RHOU: variants seen among roughly 807,000 people sequenced by gnomAD.
The protein encoded by RHOU is rho-related GTP-binding protein RhoU.
A neutral mutation model predicts 12.6 loss-of-function variants in RHOU; 8 were observed. The ratio of observed to expected loss-of-function variants is 0.64; its 90% CI spans 0.37 to 1.15. The LOEUF is 1.15. Ranked by LOEUF, RHOU falls within the 50% of genes most tolerant of loss-of-function variation. RHOU has a pLI of 0.01. For missense variants in RHOU, 258 were observed against 347.0 expected, an observed-to-expected ratio of 0.74 and a Z score of 2.04; for synonymous variants, 161 against 147.4, an observed-to-expected ratio of 1.09 and a Z score of -0.67.
the RHOU span, among the ~76,000 whole-genome samples, chr1:228,690,140 C>G: frequency 6.6e-6 from 1 of 151,818 alleles, no homozygotes; most frequent in Non-Finnish European, 1.5e-5. Flanking sequence ...TTTCTTTGAT[C>G]AGACTGATTT....
chr1:228,665,922 A>G, the RHOU span, among the ~76,000 whole-genome samples: 3 of 152,108 alleles, frequency 2.0e-5, no homozygotes, highest in South Asian at 2.1e-4. Context: ...GTCATAATTA[A>G]CACAAGATGG....
At position 228,744,651 on chromosome 1, in the gene RHOU, T is replaced by C. The variant is rs1323626132; in HGVS notation, c.*911T>C. 2 of 152,118 alleles carry C rather than the reference T, an allele frequency of 1.3e-5. No individual in the cohort carries two copies. The highest frequency in any genetic ancestry group is 2.9e-5 in the Non-Finnish European group (2 of 68,030). 9.4% of individuals were successfully genotyped at this position (152,118 alleles called of 1,614,324 possible). On this transcript the variant is annotated 3_prime_UTR_variant, in exon 3 of 3. Coordinates refer to ENST00000366691, the MANE Select transcript of RHOU (RefSeq NM_021205.6). ...TCAAGCTGTCTCTTCGGCAGGGAGG[T>C]GAATACTCTTGAAAGGCCAACAGCA...
the RHOU span, among the ~76,000 whole-genome samples, chr1:228,694,743 T>C: frequency 6.6e-6 from 1 of 152,172 alleles, no homozygotes; most frequent in African/African-American, 2.4e-5. Context: ...TTAGGTTGAG[T>C]CCATGTCTTT....
At chr1:228,708,606 A>G in the RHOU span, among the ~76,000 whole-genome samples, 23 of 151,980 alleles carry the variant, frequency 1.5e-4, no homozygotes, top group South Asian at 1.2e-3. Context: ...ACAAGCAAAT[A>G]CTGAGAGATT....
At chr1:228,672,566 A>C in the RHOU span, among the ~76,000 whole-genome samples, 1 of 152,202 alleles carries the variant, frequency 6.6e-6, no homozygotes. Flanking sequence ...CTTTCCAGTT[A>C]AGTCAAAAAC....
chr1:228,738,697 A>G lies in RHOU; in HGVS notation c.321+966A>G, dbSNP rs1386328463. Among the ~76,000 whole-genome samples, 1 of 152,116 alleles carries G rather than the reference A, an allele frequency of 6.6e-6. No homozygotes were observed. The highest frequency in any genetic ancestry group is 1.5e-5 in the Non-Finnish European group (1 of 68,036). ...ACAGCAGATTCAGAGCTAAGGACAG[A>G]TCTTATTTTTTAAACCTGAAGATGA... On this transcript the variant is annotated intron_variant, in intron 2 of 2. Coordinates refer to ENST00000366691, the MANE Select transcript of RHOU (RefSeq NM_021205.6). This position sits in a 1 kb window ranked among gnomAD's most constrained non-coding sequence, Gnocchi z 4.2.
chr1:228,674,734 T>C, the RHOU span, among the ~76,000 whole-genome samples: 1 of 149,216 alleles, frequency 6.7e-6, no homozygotes, highest in Admixed American at 6.6e-5. Flanking sequence ...TTTTTTTAAA[T>C]TTTTTTTTAT....
chr1:228,723,267 G>A, the RHOU span, among the ~76,000 whole-genome samples: 3 of 152,222 alleles, frequency 2.0e-5, no homozygotes, highest in Non-Finnish European at 4.4e-5. Context: ...ACAGAAGGAA[G>A]AAGTACAGAG....
chr1:228,691,398 A>C, the RHOU span, among the ~76,000 whole-genome samples: 1 of 150,518 alleles, frequency 6.6e-6, no homozygotes, highest in African/African-American at 2.5e-5. Flanking sequence ...TCTGTGCTCC[A>C]CTCACTCATC....
At chr1:228,724,317 T>TC in the RHOU span, among the ~76,000 whole-genome samples, 11 of 151,854 alleles carry the variant, frequency 7.2e-5, no homozygotes, top group East Asian at 5.8e-4. Flanking sequence ...TTTCTTGTGT[T>TC]CCCCCCCAGA....
the RHOU span, among the ~76,000 whole-genome samples, chr1:228,674,236 T>C: frequency 6.6e-6 from 1 of 152,350 alleles, no homozygotes; most frequent in East Asian, 1.9e-4. Flanking sequence ...CTTTGTCAAA[T>C]ATATACTGCA....
the RHOU span, among the ~76,000 whole-genome samples, chr1:228,672,976 C>T: frequency 6.6e-6 from 1 of 152,294 alleles, no homozygotes; most frequent in East Asian, 1.9e-4. Context: ...TTCTTTACTT[C>T]TTGTCTAGTG....
the RHOU span, among the ~76,000 whole-genome samples, chr1:228,654,666 G>A: frequency 2.0e-5 from 3 of 152,126 alleles, no homozygotes; most frequent in South Asian, 2.1e-4. Context: ...GAAATTTCAC[G>A]ATTGTAGCTA....
the RHOU span, among the ~76,000 whole-genome samples, chr1:228,723,646 G>GCTTTACGAGTGGGGC: frequency 6.6e-6 from 1 of 152,220 alleles, no homozygotes; most frequent in African/African-American, 2.4e-5. Flanking sequence ...AAGAGCCGGG[G>GCTTTACGAGTGGGGC]CTTTACGAGT....
At chr1:228,677,283 G>A in the RHOU span, among the ~76,000 whole-genome samples, 1 of 152,118 alleles carries the variant, frequency 6.6e-6, no homozygotes, top group Non-Finnish European at 1.5e-5. Context: ...AAAGACACAA[G>A]GTCCAAATAA....
rs888275763 is a variant in RHOU at position 228,739,742 on chromosome 1, A to G, written c.321+2011A>G. 2.6e-5 allele frequency among the ~76,000 whole-genome samples: 4 copies of G among 152,294 alleles called. No homozygotes were observed. In the East Asian group the frequency reaches 7.7e-4, roughly 29 times the overall value. ...GTGCACCTACCTGCCCCAGGATGTC[A>G]CTCAAATATCACTGTCCACTGGGCT... On this transcript the variant is annotated intron_variant, in intron 2 of 2. Coordinates refer to ENST00000366691, the MANE Select transcript of RHOU (RefSeq NM_021205.6).
chr1:228,717,803 C>T, the RHOU span, among the ~76,000 whole-genome samples: 1 of 152,326 alleles, frequency 6.6e-6, no homozygotes, highest in South Asian at 2.1e-4. Flanking sequence ...TTTCTGGACA[C>T]AGGAACTGTT....
the RHOU span, among the ~76,000 whole-genome samples, chr1:228,647,327 A>G: frequency 2.6e-5 from 4 of 151,914 alleles, no homozygotes; most frequent in Admixed American, 2.0e-4. Flanking sequence ...GGGCCCCGAG[A>G]TTTGCAGAGT....
At chr1:228,651,621 C>G in the RHOU span, among the ~76,000 whole-genome samples, 1 of 152,126 alleles carries the variant, frequency 6.6e-6, no homozygotes, top group African/African-American at 2.4e-5. Context: ...ACTTCCAGAC[C>G]CCCTGCCCTC....
Sources: gnomAD v4.1 joint callset for allele counts (sites outside exome capture counted in the v4.1 genomes callset) on GRCh38, gnomAD v4.1.1 for gene constraint, Gnocchi (gnomAD v3.1) non-coding constraint, MANE v1.5 for transcripts, NCBI Gene and HGNC (gene_info 2026-07-23, HGNC 2026-07-21) for gene names.